Variants in LPP observed in about 807,000 individuals in gnomAD.
The protein encoded by LPP is lipoma-preferred partner.
In LPP, 38 loss-of-function variants were observed where a neutral mutation model predicts 60.4. The observed-to-expected ratio is 0.63, with a 90% CI of 0.49 to 0.83. The LOEUF (loss-of-function observed/expected upper bound fraction) is 0.83. LPP is among the 40% of genes least tolerant of loss of function. LPP has a pLI of 0.00. For synonymous variants in LPP, 328 were observed against 290.8 expected (o/e 1.13, Z -1.30); for missense variants, 902 against 783.6 (o/e 1.15, Z -1.80).
At chr3:188,431,291 A>G (rs1790830813) in intron 4 of LPP, among the ~76,000 whole-genome samples, 1 of 152,090 alleles carries the variant, frequency 6.6e-6, no homozygotes, top group African/African-American at 2.4e-5. Context: ...CATTTTTTTC[A>G]GAAGTAGAGA....
intron 4 of LPP, among the ~76,000 whole-genome samples, chr3:188,470,635 G>A (rs1801618806): frequency 6.6e-6 from 1 of 152,050 alleles, no homozygotes; most frequent in Admixed American, 6.6e-5. Flanking sequence ...TACTATAGAG[G>A]GCTGAAGGTG....
chr3:188,560,804 A>T (rs1830499156), intron 6 of LPP, among the ~76,000 whole-genome samples: 1 of 152,116 alleles, frequency 6.6e-6, no homozygotes, highest in African/African-American at 2.4e-5. Context: ...CTTGATAATA[A>T]GTCAGTGCAT....
chr3:188,602,464 TC>T (rs1258752871), intron 6 of LPP, among the ~76,000 whole-genome samples: 3 of 151,724 alleles, frequency 2.0e-5, no homozygotes, highest in Admixed American at 6.6e-5. Context: ...CCATTTTTGC[TC>T]ATTGTACAAA....
At chr3:188,496,363 G>A (rs1414013303) in intron 5 of LPP, among the ~76,000 whole-genome samples, 7 of 152,100 alleles carry the variant, frequency 4.6e-5, no homozygotes, top group Admixed American at 1.3e-4. Flanking sequence ...ACCTGACCTC[G>A]TGATCTGCCC....
chr3:188,881,151 A>AAAAAAAAAAAAAAAAAAAAAAAAAAAAG lies in LPP; in HGVS notation c.*6679_*6680insAAAAAAAAAAAAAAAAAAAAGAAAAAAA, dbSNP rs1769964124. 6.1e-6 allele frequency: 1 copy of AAAAAAAAAAAAAAAAAAAAAAAAAAAAG among 164,682 alleles called. No individual in the cohort carries two copies. The highest frequency in any genetic ancestry group is 1.3e-5 in the Non-Finnish European group (1 of 75,246). 10.2% of individuals were successfully genotyped at this position (164,682 alleles called of 1,614,324 possible). ...CGAGACTCCGTCTCAAAAAAAAAAAAAAAAAAATAGGATCATGGCCCTTTT... is the reference window on the plus strand; with the variant it reads ...CGAGACTCCGTCTCAAAAAAAAAAAAAAAAAAAAAAAAAAAAAAAAAAAAAAAGAAAAAAATAGGATCATGGCCCTTTT... On this transcript the variant is annotated 3_prime_UTR_variant, in exon 12 of 12. Coordinates refer to ENST00000617246, the MANE Select transcript of LPP (RefSeq NM_001375462.1).
intron 2 of LPP, among the ~76,000 whole-genome samples, chr3:188,245,471 T>G (rs1726589851): frequency 6.6e-6 from 1 of 152,168 alleles, no homozygotes; most frequent in Non-Finnish European, 1.5e-5. Context: ...CCCAGAGCCA[T>G]TAGCAGAGAA....
chr3:188,540,480 A>AT (rs1824863577), intron 6 of LPP, among the ~76,000 whole-genome samples: 1 of 152,210 alleles, frequency 6.6e-6, no homozygotes, highest in Non-Finnish European at 1.5e-5. Context: ...GCTCAGGATA[A>AT]TTTGGAACTA....
intron 1 of LPP, among the ~76,000 whole-genome samples, chr3:188,210,960 CCTCT>C (rs951294870): frequency 2.0e-5 from 3 of 152,102 alleles, no homozygotes; most frequent in African/African-American, 7.2e-5. Context: ...AGTGGAAGGC[CCTCT>C]GATTCTGTTT....
At chr3:188,309,612 G>T (rs1752731744) in intron 2 of LPP, among the ~76,000 whole-genome samples, 1 of 151,826 alleles carries the variant, frequency 6.6e-6, no homozygotes, top group South Asian at 2.1e-4. Context: ...GTGTCCTGTG[G>T]CATCCACAGA....
At chr3:188,452,317 T>C (rs1158690564) in intron 4 of LPP, among the ~76,000 whole-genome samples, 1 of 152,070 alleles carries the variant, frequency 6.6e-6, no homozygotes, top group East Asian at 2.0e-4. Flanking sequence ...AAGAAGTGCT[T>C]TAAAAACTGA....
At chr3:188,830,281 G>T (rs1402991058) in intron 9 of LPP, among the ~76,000 whole-genome samples, 1 of 149,594 alleles carries the variant, frequency 6.7e-6, no homozygotes, top group African/African-American at 2.5e-5. Flanking sequence ...AAACTTATAG[G>T]CTGAAAAAAA....
intron 7 of LPP, among the ~76,000 whole-genome samples, chr3:188,619,221 T>C (rs1453428316): frequency 6.6e-6 from 1 of 152,084 alleles, no homozygotes; most frequent in African/African-American, 2.4e-5. Flanking sequence ...GACGGGGTTT[T>C]ACCATGTTGG....
chr3:188,513,737 T>G (rs904183168), intron 5 of LPP, among the ~76,000 whole-genome samples: 4 of 152,182 alleles, frequency 2.6e-5, no homozygotes, highest in African/African-American at 9.7e-5. Context: ...TAGTTTTGCT[T>G]TCTTATTTGA....
At chr3:188,329,390 C>A (rs1759366416) in intron 2 of LPP, among the ~76,000 whole-genome samples, 1 of 152,168 alleles carries the variant, frequency 6.6e-6, no homozygotes, top group Non-Finnish European at 1.5e-5. Flanking sequence ...GTTTGTATAT[C>A]TTTTATCTGA....
At chr3:188,711,062 T>C (rs1866535639) in intron 8 of LPP, 2 of 152,232 alleles carry the variant, frequency 1.3e-5, no homozygotes, top group Non-Finnish European at 2.9e-5. Context: ...CTCAAGGTTC[T>C]CCCATGCTCT....
intron 2 of LPP, among the ~76,000 whole-genome samples, chr3:188,336,421 G>C (rs888569045): frequency 1.3e-5 from 2 of 152,198 alleles, no homozygotes; most frequent in Admixed American, 6.5e-5. Context: ...GAAAGAAGGA[G>C]TGCAGGGAAG....
At chr3:188,550,577 C>CAA (rs67052080) in intron 6 of LPP, among the ~76,000 whole-genome samples, 25,169 of 66,036 alleles carry the variant, frequency 0.38, 5,257 homozygotes, top group African/African-American at 0.42. Context: ...GACTCCATCT[C>CAA]AAAAAAAAAA....
intron 7 of LPP, among the ~76,000 whole-genome samples, chr3:188,616,505 G>T (rs1019089915): frequency 6.6e-6 from 1 of 152,166 alleles, no homozygotes; most frequent in Non-Finnish European, 1.5e-5. Context: ...AGTATAGTTT[G>T]AAGTCAGGTA....
intron 10 of LPP, among the ~76,000 whole-genome samples, chr3:188,871,508 A>G (rs1265831833): frequency 6.6e-6 from 1 of 152,200 alleles, no homozygotes; most frequent in South Asian, 2.1e-4. Flanking sequence ...CTACATATAG[A>G]ATATAATGTA....
Sources: allele counts gnomAD v4.1 joint callset (sites outside exome capture counted in the v4.1 genomes callset), GRCh38; gene constraint gnomAD v4.1.1; transcripts MANE v1.5; gene names NCBI Gene and HGNC (gene_info 2026-07-23, HGNC 2026-07-21).